The following PPP1R37 variants were observed in gnomAD, a reference collection of about 807,000 sequenced individuals.
PPP1R37 encodes the protein leucine rich repeat containing 68.
Under a neutral mutation model 61.0 loss-of-function variants are expected in PPP1R37, and 21 were observed. The ratio of observed to expected loss-of-function variants is 0.34; its 90% CI spans 0.24 to 0.50. The LOEUF is 0.50. Among genes scored for constraint, PPP1R37 ranks in the 20% least tolerant of loss-of-function variants. The pLI is 0.98. For synonymous variants in PPP1R37, 443 were observed against 433.5 expected (o/e 1.02, Z -0.27); for missense variants, 910 against 952.7 (o/e 0.96, Z 0.59).
At chr19:45,122,301 G>A (rs1334559554) in intron 1 of PPP1R37, among the ~76,000 whole-genome samples, 5 of 152,330 alleles carry the variant, frequency 3.3e-5, no homozygotes, top group South Asian at 2.1e-4. Flanking sequence ...GACAAGAAGG[G>A]ACCTTCCCTG....
rs1439769382 is a variant in PPP1R37 at position 45,130,087 on chromosome 19, T to C, written c.203-8427T>C. 3.3e-5 allele frequency among the ~76,000 whole-genome samples: 5 copies of C among 152,084 alleles called. No individual in the cohort carries two copies. The highest frequency in any genetic ancestry group is 6.5e-5 in the Admixed American group (1 of 15,274). On this transcript the variant is annotated intron_variant, in intron 1 of 12. Transcript: ENST00000221462. The surrounding 1 kb of genome is among the most constrained non-coding windows in gnomAD (Gnocchi z 4.4). ...GTGCCAAGCAGGGGGATGCCTGGGC[T>C]GCAGGCATTGACTCGCCTGTGTCCC...
chr19:45,138,725 A>G, intron 2 of PPP1R37, 114 bp downstream of exon 2: 1 of 626,178 alleles, frequency 1.6e-6, no homozygotes. Flanking sequence ...GTTCATGAAT[A>G]CATCTTTGAA....
chr19:45,098,491 C>A (rs899582841), intron 1 of PPP1R37, among the ~76,000 whole-genome samples: 1 of 152,200 alleles, frequency 6.6e-6, no homozygotes, highest in Non-Finnish European at 1.5e-5. Context: ...CTCCCTGCTC[C>A]CTGACCATCA....
chr19:45,119,937 C>T lies in PPP1R37; in HGVS notation c.203-18577C>T, dbSNP rs145223356. Among the ~76,000 whole-genome samples, 715 of 152,118 alleles carry T rather than the reference C, an allele frequency of 4.7e-3. 30 individuals are homozygous for T. The highest frequency in any genetic ancestry group is 0.043 in the Admixed American group (659 of 15,274). ...GGGGTCCCTCTTTGTTCCTGGTTCCCGGCTGCTTCACTGGCTACTCCATCT... is the reference window on the plus strand; with the variant it reads ...GGGGTCCCTCTTTGTTCCTGGTTCCTGGCTGCTTCACTGGCTACTCCATCT... On this transcript the variant is annotated intron_variant, in intron 1 of 12. Coordinates refer to ENST00000221462, the MANE Select transcript of PPP1R37 (RefSeq NM_019121.2).
At chr19:45,137,833 C>CAAAAAAAAA (rs5828228) in intron 1 of PPP1R37, among the ~76,000 whole-genome samples, 1 of 106,196 alleles carries the variant, frequency 9.4e-6, no homozygotes. Flanking sequence ...TACAAAAATA[C>CAAAAAAAAA]AAAAAAAAAA....
At chr19:45,144,673 C>T (rs956472938) in intron 8 of PPP1R37, 181 bp from the exon 9 acceptor site, 6 of 565,670 alleles carry the variant, frequency 1.1e-5, no homozygotes, top group African/African-American at 2.1e-5. Flanking sequence ...AGACTTCAGG[C>T]ACAGGAGGGA....
In PPP1R37 at chr19:45,140,574, G is replaced by T; in HGVS notation, c.415G>T (p.Val139Leu). ...CTTCAAGAGGCTGCAGTTCAAGGTC[G>T]TGGACCTGGAGCAGACAAACCTGGA... ...EVFKRLQFKVVDLEQTNLDED... is the reference protein window; with the variant it reads ...EVFKRLQFKVLDLEQTNLDED... Residue 139 changes from valine (V) to leucine (L), a missense_variant, in exon 4 of 13, where the codon GTG becomes TTG. Physicochemically the swap from Val to Leu is conservative, Grantham distance 32. Around this residue, in one of 3 missense-constraint regions of PPP1R37, gnomAD observed 280 missense variants for 382.2 expected, o/e 0.73. Transcript: ENST00000221462. 1 of 1,536,042 alleles carries T rather than the reference G, an allele frequency of 6.5e-7. No homozygotes were observed. Among genetic ancestry groups the T allele is most frequent in the Non-Finnish European group, 8.7e-7 (1 of 1,146,820 alleles).
intron 1 of PPP1R37, among the ~76,000 whole-genome samples, chr19:45,113,820 C>T (rs1038540232): frequency 1.3e-5 from 2 of 152,228 alleles, no homozygotes; most frequent in East Asian, 1.9e-4. Context: ...TCGGCACCAT[C>T]AGGTGCCCAG....
chr19:45,142,581 CT>C, intron 7 of PPP1R37, 123 bp downstream of exon 7: 6 of 1,045,100 alleles, frequency 5.7e-6, no homozygotes, highest in Non-Finnish European at 8.2e-6. Context: ...CCTGCTGGGG[CT>C]CCCAGGAGGA....
intron 1 of PPP1R37, among the ~76,000 whole-genome samples, chr19:45,135,842 GC>G (rs1238540424): frequency 1.3e-5 from 2 of 150,244 alleles, no homozygotes; most frequent in African/African-American, 2.5e-5. Flanking sequence ...GAGTGCAATG[GC>G]GCGATTTTGG....
chr19:45,145,292 C>T (rs1394786126), intron 10 of PPP1R37, 32 bp downstream of exon 10: 7 of 1,521,746 alleles, frequency 4.6e-6, no homozygotes, highest in Admixed American at 2.0e-5. Context: ...AGCCCTGGGG[C>T]GGGCGGAAGG....
chr19:45,129,078 T>A, intron 1 of PPP1R37: 2 of 639,704 alleles, frequency 3.1e-6, no homozygotes, highest in Non-Finnish European at 5.9e-6. Context: ...CTTCTGAGAC[T>A]GCAGAGGCCC....
At chr19:45,140,685 C>A in intron 4 of PPP1R37, 79 bp downstream of exon 4, 1 of 1,099,104 alleles carries the variant, frequency 9.1e-7, no homozygotes, top group Non-Finnish European at 1.3e-6. Context: ...GAGGACACTG[C>A]AGGAGGAGGG....
intron 1 of PPP1R37, among the ~76,000 whole-genome samples, chr19:45,094,361 TGTCA>T (rs1469721895): frequency 1.3e-5 from 2 of 152,148 alleles, no homozygotes; most frequent in Non-Finnish European, 2.9e-5. Context: ...GAAGGAAGGC[TGTCA>T]GTCATTCAGG....
At chr19:45,096,366 C>T (rs747238247) in intron 1 of PPP1R37, among the ~76,000 whole-genome samples, 43 of 152,100 alleles carry the variant, frequency 2.8e-4, no homozygotes, top group Non-Finnish European at 5.6e-4. Flanking sequence ...TCTGCAGATT[C>T]CCAGAACAGG....
chr19:45,102,594 G>C (rs779625797), intron 1 of PPP1R37, among the ~76,000 whole-genome samples: 49 of 152,200 alleles, frequency 3.2e-4, no homozygotes, highest in Non-Finnish European at 2.1e-4. Context: ...GGTTAGGCAG[G>C]TGGGGCTAGA....
chr19:45,137,785 A>G (rs922695467), intron 1 of PPP1R37, among the ~76,000 whole-genome samples: 2 of 151,800 alleles, frequency 1.3e-5, no homozygotes, highest in African/African-American at 4.8e-5. Context: ...TGGTTTCCTC[A>G]TAGGGTTGAA....
Position 45,093,358 on chromosome 19 carries a change from G to T in PPP1R37, c.33G>T (p.Val11=), listed in dbSNP as rs1423086859. The change falls in exon 1 of 13, where the codon GTG becomes GTT. Residue 11 remains valine (V), a synonymous_variant. Coordinates refer to ENST00000221462, the MANE Select transcript of PPP1R37 (RefSeq NM_019121.2). MEIAPQEAPP[V]PGADGDIEEA... ...TCGCGCCGCAGGAGGCGCCGCCCGT[G>T]CCGGGCGCGGACGGCGACATTGAAG... is the stretch of plus-strand genomic sequence containing the variant. 9 of 1,508,222 alleles carry T rather than the reference G, an allele frequency of 6.0e-6. No homozygotes were observed. In the African/African-American group the frequency reaches 8.5e-5, roughly 14 times the overall value. 93.4% of individuals were successfully genotyped at this position (1,508,222 alleles called of 1,614,324 possible). A position where few individuals can be genotyped will look rare whatever the true frequency, so the allele number is the denominator to read the frequency against.
At chr19:45,115,391 T>C (rs1968253232) in intron 1 of PPP1R37, among the ~76,000 whole-genome samples, 1 of 152,146 alleles carries the variant, frequency 6.6e-6, no homozygotes, top group Non-Finnish European at 1.5e-5. Context: ...CCTTGGCACA[T>C]GCTCCATCTC....
Sources: gnomAD v4.1 joint callset for allele counts (sites outside exome capture counted in the v4.1 genomes callset) on GRCh38, gnomAD v4.1.1 for gene constraint, gnomAD v4.1.1 regional missense constraint, Gnocchi (gnomAD v3.1) non-coding constraint, MANE v1.5 for transcripts, NCBI Gene and HGNC (gene_info 2026-07-23, HGNC 2026-07-21) for gene names.